Variants in DISC1 observed in about 807,000 individuals in gnomAD.
DISC1 encodes DISC1 scaffold protein, also known as disrupted in schizophrenia 1 protein.
In DISC1, 57 loss-of-function variants were observed where a neutral mutation model predicts 84.5. The observed-to-expected ratio is 0.67, with a 90% CI of 0.55 to 0.84. The LOEUF (loss-of-function observed/expected upper bound fraction) is 0.84. Ranked by LOEUF, DISC1 falls within the 40% of genes least tolerant of loss-of-function variation. The pLI, the probability that DISC1 is intolerant of heterozygous loss-of-function variation, is 0.00. For synonymous variants in DISC1, 411 were observed against 415.2 expected, an observed-to-expected ratio of 0.99 and a Z score of 0.12; for missense variants, 1,000 against 1,057.8, an observed-to-expected ratio of 0.95 and a Z score of 0.76.
At chr1:231,672,569 G>T (rs561016143) in intron 1 of DISC1, among the ~76,000 whole-genome samples, 22 of 152,270 alleles carry the variant, frequency 1.4e-4, no homozygotes, top group Non-Finnish European at 3.1e-4. Context: ...GCACACCTTT[G>T]TGCTGTCCTT....
rs139091980 is a variant in DISC1 at position 231,694,240 on chromosome 1, A to T, written c.482A>T (p.Glu161Val). Residue 161 changes from glutamate to valine, a missense_variant, in exon 2 of 13, where the codon GAG (glutamate) becomes GTG (valine). Around this residue, in one of 3 missense-constraint regions of DISC1, gnomAD observed 292 missense variants for 280.2 expected, o/e 1.04. Transcript: ENST00000439617. ...DSSETLDASW[E>V]AACSDGARRV... is the part of the protein sequence containing the mutation. ...TCTGAGACCCTGGACGCCAGCTGGG[A>T]GGCAGCCTGCAGCGATGGAGCAAGG... The T allele has an allele frequency of 1.2e-5, 20 of 1,614,058 alleles. No homozygotes were observed. Among genetic ancestry groups the T allele is most frequent in the Admixed American group, 1.7e-5 (1 of 60,006 alleles).
At chr1:231,904,451 G>C (rs1301556215) in intron 9 of DISC1, among the ~76,000 whole-genome samples, 1 of 152,074 alleles carries the variant, frequency 6.6e-6, no homozygotes, top group African/African-American at 2.4e-5. Flanking sequence ...CTGAAAGTTT[G>C]GTGTCTCACT....
chr1:231,812,647 T>C (rs1356532147), intron 8 of DISC1, among the ~76,000 whole-genome samples: 1 of 152,142 alleles, frequency 6.6e-6, no homozygotes, highest in Admixed American at 6.5e-5. Context: ...GGCACAGGCA[T>C]ATTGGGATGC....
At chr1:231,966,201 A>G (rs571078645) in intron 10 of DISC1, among the ~76,000 whole-genome samples, 5 of 152,290 alleles carry the variant, frequency 3.3e-5, no homozygotes, top group African/African-American at 9.6e-5. Context: ...CTGAGAAGAT[A>G]CAGTGCCCAA....
In DISC1 at chr1:231,626,896, CAGCCGCCGCCGGCGGCGG is replaced by C; in HGVS notation, c.30_47del (p.Ala11_Gly16del). 6.7e-7 allele frequency: 1 copy of C among 1,501,472 alleles called. No homozygotes were observed. Among genetic ancestry groups the C allele is most frequent in the Admixed American group, 2.2e-5 (1 of 45,244 alleles). 93.0% of individuals were successfully genotyped at this position (1,501,472 alleles called of 1,614,324 possible). ...CCAGGCGGGGGTCCTCAGGGCGCCC[CAGCCGCCGCCGGCGGCGG>C]CGGCGTGAGCCACCGCGCAGGTAGG... is the stretch of plus-strand genomic sequence containing the variant. On this transcript the variant is annotated inframe_deletion, in exon 1 of 13. Transcript: ENST00000439617.
intron 6 of DISC1, among the ~76,000 whole-genome samples, chr1:231,791,372 G>T (rs550549429): frequency 3.9e-5 from 6 of 152,156 alleles, no homozygotes; most frequent in Non-Finnish European, 7.4e-5. Context: ...TTACCAGCTG[G>T]TTACCCCTGG....
chr1:231,651,023 C>T (rs61835360), intron 1 of DISC1, among the ~76,000 whole-genome samples: 34,149 of 152,072 alleles, frequency 0.22, 4,961 homozygotes, highest in Middle Eastern at 0.35. Flanking sequence ...TCCTTTAGCT[C>T]GGAGAAGTTT....
chr1:231,681,623 T>C (rs954918773), intron 1 of DISC1, among the ~76,000 whole-genome samples: 3 of 152,170 alleles, frequency 2.0e-5, no homozygotes, highest in African/African-American at 7.2e-5. Context: ...TGACCTCTCC[T>C]CTACCCTCCT....
chr1:231,724,573 C>T (rs1558428605), intron 3 of DISC1, among the ~76,000 whole-genome samples: 1 of 152,144 alleles, frequency 6.6e-6, no homozygotes, highest in Non-Finnish European at 1.5e-5. Flanking sequence ...CTAGCTCTTC[C>T]CCCAAAGGCA....
intron 9 of DISC1, among the ~76,000 whole-genome samples, chr1:231,900,604 G>T (rs1349790895): frequency 6.6e-6 from 1 of 152,144 alleles, no homozygotes; most frequent in African/African-American, 2.4e-5. Context: ...ATATTCTTTT[G>T]TTACTTTCTT....
chr1:231,626,895 C>T lies in DISC1; in HGVS notation c.28C>T (p.Pro10Ser), dbSNP rs1441696929. 4 of 1,500,820 alleles carry T rather than the reference C, an allele frequency of 2.7e-6. No individual in the cohort carries two copies. In the East Asian group the frequency reaches 7.9e-5, roughly 30 times the overall value. 93.0% of individuals were successfully genotyped at this position (1,500,820 alleles called of 1,614,324 possible). A position where few individuals can be genotyped will look rare whatever the true frequency, so the allele number is the denominator to read the frequency against. The change falls in exon 1 of 13, where the codon CCA (proline) becomes TCA (serine). Residue 10 changes from proline (P) to serine (S), a missense_variant. By Grantham distance (74) the Pro-to-Ser change is moderately conservative (BLOSUM62 -1). Coordinates refer to ENST00000439617, the MANE Select transcript of DISC1 (RefSeq NM_018662.3). MPGGGPQGAPAAAGGGGVSH... is the reference protein window; with the variant it reads MPGGGPQGASAAAGGGGVSH... ...GCCAGGCGGGGGTCCTCAGGGCGCCCCAGCCGCCGCCGGCGGCGGCGGCGT... is the reference window on the plus strand; with the variant it reads ...GCCAGGCGGGGGTCCTCAGGGCGCCTCAGCCGCCGCCGGCGGCGGCGGCGT...
intron 9 of DISC1, among the ~76,000 whole-genome samples, chr1:231,938,150 T>A (rs925113983): frequency 5.3e-5 from 8 of 152,172 alleles, no homozygotes; most frequent in African/African-American, 1.9e-4. Context: ...TCCATGCCCT[T>A]ATCCCCAGAA....
At chr1:231,632,946 C>A (rs1346608668) in intron 1 of DISC1, among the ~76,000 whole-genome samples, 1 of 152,086 alleles carries the variant, frequency 6.6e-6, no homozygotes, top group Non-Finnish European at 1.5e-5. Context: ...TGGCGTGTGC[C>A]TGTAATCCCA....
In DISC1 at chr1:231,818,368, T is replaced by C. The variant is rs1400348658; in HGVS notation, c.1832T>C (p.Ile611Thr). The C allele has an allele frequency of 1.2e-6, 2 of 1,613,892 alleles. No homozygotes were observed. The highest frequency in any genetic ancestry group is 1.7e-6 in the Non-Finnish European group (2 of 1,179,950). Residue 611 changes from isoleucine to threonine, a missense_variant, in exon 9 of 13, where the codon ATT becomes ACT. Physicochemically the swap from Ile to Thr is moderately conservative, Grantham distance 89. Around this residue, in one of 3 missense-constraint regions of DISC1, gnomAD observed 397 missense variants for 377.5 expected, o/e 1.05. Transcript: ENST00000439617. ...FWTAKDLTEE[I>T]RSLTSEREGL... ...ACGGCTAAAGACCTCACCGAGGAGA[T>C]TAGATCATTAACATCAGAGAGAGAA...
At chr1:231,722,255 T>C (rs112152355) in intron 3 of DISC1, among the ~76,000 whole-genome samples, 28 of 152,202 alleles carry the variant, frequency 1.8e-4, no homozygotes, top group African/African-American at 6.5e-4. Flanking sequence ...CTCCCAAATC[T>C]GGGCTTCTTT....
chr1:231,829,683 C>A (rs919944242), intron 9 of DISC1, among the ~76,000 whole-genome samples: 5 of 152,284 alleles, frequency 3.3e-5, no homozygotes, highest in Admixed American at 6.5e-5. Flanking sequence ...CACTCACGTC[C>A]GTGTGAAGAG....
At chr1:231,710,772 G>T (rs115450234) in intron 3 of DISC1, among the ~76,000 whole-genome samples, 152 of 152,176 alleles carry the variant, frequency 1.0e-3, no homozygotes, top group African/African-American at 3.6e-3. Flanking sequence ...ATGCATCCTT[G>T]TGACCTCATT....
intron 1 of DISC1, among the ~76,000 whole-genome samples, chr1:231,641,986 G>A (rs994949486): frequency 1.3e-5 from 2 of 152,364 alleles, no homozygotes; most frequent in South Asian, 2.1e-4. Context: ...GGGACTGGGC[G>A]CTGTGGAGCA....
At position 232,037,156 on chromosome 1, in the gene DISC1, G is replaced by A. The variant is rs77178075; in HGVS notation, c.*325G>A. 0.012 allele frequency: 2,140 copies of A among 176,534 alleles called. 52 individuals carry two copies. The highest frequency in any genetic ancestry group is 0.047 in the African/African-American group (2,004 of 42,594). The allele number at this position is 176,534 out of a possible 1,614,324, so 10.9% of individuals were successfully genotyped here. On this transcript the variant is annotated 3_prime_UTR_variant, in exon 13 of 13. Transcript: ENST00000439617. ...GCCCCCATTAGAGAGAAGTTGGGGT[G>A]AATTCTGGAAAAATGTCTCTTTTTC...
Sources: allele counts gnomAD v4.1 joint callset (sites outside exome capture counted in the v4.1 genomes callset), GRCh38; gene constraint gnomAD v4.1.1; regional missense constraint gnomAD v4.1.1; transcripts MANE v1.5; gene names NCBI Gene and HGNC (gene_info 2026-07-23, HGNC 2026-07-21).